The following SLIT2 variants were observed in gnomAD, a reference collection of about 807,000 sequenced individuals.
The protein encoded by SLIT2 is slit homolog 2 protein.
In SLIT2, 41 loss-of-function variants were observed where a neutral mutation model predicts 185.7. The observed-to-expected ratio is 0.22, with a 90% CI of 0.17 to 0.29. The LOEUF (loss-of-function observed/expected upper bound fraction) is 0.29, where lower values mean the gene tolerates loss of function less well. SLIT2 is among the 10% of genes least tolerant of loss of function. SLIT2 has a pLI of 1.00. For missense variants in SLIT2, 1,571 were observed against 1,909.0 expected, an observed-to-expected ratio of 0.82 and a Z score of 3.30; for synonymous variants, 693 against 680.2, an observed-to-expected ratio of 1.02 and a Z score of -0.29.
chr4:20,254,109 C>G lies in SLIT2; in HGVS notation c.179+115C>G. ...GCCTGGGGCAGCCCTCGCTAGCTCT[C>G]CCCCATGCACATCCTGGGGTTGAGC... On this transcript the variant is annotated intron_variant, in intron 1 of 36. Transcript: ENST00000504154. The surrounding 1 kb of genome is among the most constrained non-coding windows in gnomAD (Gnocchi z 5.1). 2 of 1,033,968 alleles carry G rather than the reference C, an allele frequency of 1.9e-6. No individual in the cohort carries two copies. The highest frequency in any genetic ancestry group is 2.4e-5 in the East Asian group (1 of 40,840). 64.0% of individuals were successfully genotyped at this position (1,033,968 alleles called of 1,614,324 possible). A position where few individuals can be genotyped will look rare whatever the true frequency, so the allele number is the denominator to read the frequency against.
chr4:20,481,926 C>A (rs960353519), intron 6 of SLIT2, among the ~76,000 whole-genome samples: 1 of 152,010 alleles, frequency 6.6e-6, no homozygotes, highest in African/African-American at 2.4e-5. Context: ...TACTCTCTAA[C>A]AACAGGAGAG....
At chr4:20,475,577 T>C (rs1047192140) in intron 5 of SLIT2, among the ~76,000 whole-genome samples, 10 of 152,134 alleles carry the variant, frequency 6.6e-5, no homozygotes, top group Non-Finnish European at 1.5e-4. Flanking sequence ...GTATAACTTA[T>C]TGAACTTCTG....
chr4:20,454,440 C>T (rs936723870), intron 4 of SLIT2, among the ~76,000 whole-genome samples: 2 of 152,114 alleles, frequency 1.3e-5, no homozygotes, highest in African/African-American at 4.8e-5. Flanking sequence ...TCTGTAATGA[C>T]ATTTACAAGT....
chr4:20,562,865 C>G (rs1724807672), intron 26 of SLIT2, among the ~76,000 whole-genome samples: 1 of 151,646 alleles, frequency 6.6e-6, no homozygotes, highest in Non-Finnish European at 1.5e-5. Context: ...AAGGGCAGTG[C>G]TAGAGGATTT....
At position 20,577,009 on chromosome 4, in the gene SLIT2, A is replaced by G. The variant is rs544518110; in HGVS notation, c.3088+8005A>G. On this transcript the variant is annotated intron_variant, in intron 29 of 36. Transcript: ENST00000504154. ...TTTTTTTCATTTAAAAATATACCAG[A>G]TGCTTATTGAGAAAATATATTATGC... is the stretch of plus-strand genomic sequence containing the variant. 2.0e-5 allele frequency among the ~76,000 whole-genome samples: 3 copies of G among 151,734 alleles called. No individual in the cohort carries two copies. In the East Asian group the frequency reaches 5.8e-4, roughly 29 times the overall value.
intron 4 of SLIT2, among the ~76,000 whole-genome samples, chr4:20,276,995 G>C (rs1404036433): frequency 6.6e-6 from 1 of 152,152 alleles, no homozygotes; most frequent in East Asian, 1.9e-4. Flanking sequence ...TGGGAAAATT[G>C]GACTGGAAGT....
intron 4 of SLIT2, among the ~76,000 whole-genome samples, chr4:20,467,098 A>G (rs2148742140): frequency 6.6e-6 from 1 of 152,304 alleles, no homozygotes; most frequent in East Asian, 1.9e-4. Flanking sequence ...ATTAAAATGT[A>G]TTTCTCAATT....
At chr4:20,552,332 C>T (rs1313216535) in intron 25 of SLIT2, 1 of 151,134 alleles carries the variant, frequency 6.6e-6, no homozygotes, top group Non-Finnish European at 1.5e-5. Context: ...GTAGAGTCTT[C>T]CTTGTTCTGT....
At chr4:20,370,344 C>G (rs1258408688) in intron 4 of SLIT2, among the ~76,000 whole-genome samples, 2 of 152,056 alleles carry the variant, frequency 1.3e-5, no homozygotes, top group Non-Finnish European at 2.9e-5. Context: ...TTCTGGTCTA[C>G]TAATTCAACT....
intron 11 of SLIT2, among the ~76,000 whole-genome samples, chr4:20,514,031 A>G (rs1221089482): frequency 6.6e-6 from 1 of 152,196 alleles, no homozygotes; most frequent in Non-Finnish European, 1.5e-5. Context: ...AAGCCAGTGA[A>G]AGCTAGATTT....
At chr4:20,358,188 A>AGATT (rs2109284536) in intron 4 of SLIT2, among the ~76,000 whole-genome samples, 1 of 152,218 alleles carries the variant, frequency 6.6e-6, no homozygotes, top group East Asian at 1.9e-4. Context: ...CCCTTAGGAT[A>AGATT]GATTACTGGA....
At chr4:20,367,284 T>C (rs1014798609) in intron 4 of SLIT2, among the ~76,000 whole-genome samples, 3 of 152,246 alleles carry the variant, frequency 2.0e-5, no homozygotes, top group South Asian at 4.1e-4. Flanking sequence ...TTAGTGACAA[T>C]AATTGAGATG....
chr4:20,333,702 A>G (rs767287230), intron 4 of SLIT2, among the ~76,000 whole-genome samples: 10 of 152,168 alleles, frequency 6.6e-5, no homozygotes, highest in Non-Finnish European at 1.5e-4. Context: ...CTGATTTTTC[A>G]CTATTTGGTT....
At chr4:20,450,661 A>C (rs1712372444) in intron 4 of SLIT2, among the ~76,000 whole-genome samples, 1 of 152,234 alleles carries the variant, frequency 6.6e-6, no homozygotes, top group Non-Finnish European at 1.5e-5. Flanking sequence ...CAGGTAATAC[A>C]AATAGTATAT....
intron 15 of SLIT2, among the ~76,000 whole-genome samples, chr4:20,525,595 C>T (rs776703745): frequency 1.2e-4 from 18 of 152,212 alleles, no homozygotes; most frequent in Non-Finnish European, 2.5e-4. Context: ...AAATCAGTTA[C>T]ACACAGAATT....
intron 5 of SLIT2, among the ~76,000 whole-genome samples, chr4:20,477,287 C>T (rs1716224679): frequency 6.6e-6 from 1 of 151,914 alleles, no homozygotes; most frequent in Admixed American, 6.6e-5. Context: ...CTGCAACCTC[C>T]ACCTCCTGGG....
At chr4:20,435,729 A>G (rs1335285466) in intron 4 of SLIT2, among the ~76,000 whole-genome samples, 1 of 152,230 alleles carries the variant, frequency 6.6e-6, no homozygotes, top group Non-Finnish European at 1.5e-5. Context: ...TGTTGACTCT[A>G]GCTAGATCAG....
chr4:20,600,504 G>A (rs1450058173), intron 33 of SLIT2, among the ~76,000 whole-genome samples: 1 of 138,746 alleles, frequency 7.2e-6, no homozygotes, highest in East Asian at 2.3e-4. Flanking sequence ...CTCACTGCAA[G>A]CTCCGCCTCC....
chr4:20,539,582 T>C lies in SLIT2; in HGVS notation c.1974T>C (p.Thr658=). Residue 658 remains threonine (T), a splice_region_variant and synonymous_variant, in exon 19 of 37, where the codon ACT becomes ACC. Coordinates refer to ENST00000504154, the MANE Select transcript of SLIT2 (RefSeq NM_004787.4). ...GAFDTLHSLS[T]LNLLANPFNC... Reference sequence around the variant, plus strand: ...TTGATACTCTCCATTCTTTATCTACTCTGTAAGTATGAAAAATAGCCCTTA... The same window carrying C: ...TTGATACTCTCCATTCTTTATCTACCCTGTAAGTATGAAAAATAGCCCTTA... 6.2e-7 allele frequency: 1 copy of C among 1,601,908 alleles called. No homozygotes were observed.
Sources: allele counts gnomAD v4.1 joint callset (sites outside exome capture counted in the v4.1 genomes callset), GRCh38; gene constraint gnomAD v4.1.1; non-coding constraint Gnocchi (gnomAD v3.1); transcripts MANE v1.5; gene names NCBI Gene and HGNC (gene_info 2026-07-23, HGNC 2026-07-21).